PARP8: variants seen among roughly 807,000 people sequenced by gnomAD.
PARP8 encodes the protein protein mono-ADP-ribosyltransferase PARP8.
A neutral mutation model predicts 124.1 loss-of-function variants in PARP8; 51 were observed. The ratio of observed to expected loss-of-function variants is 0.41; its 90% CI spans 0.33 to 0.52. The LOEUF (loss-of-function observed/expected upper bound fraction) is 0.52, where lower values mean the gene tolerates loss of function less well. Ranked by LOEUF, PARP8 falls within the 20% of genes least tolerant of loss-of-function variation. The pLI is 0.21. For synonymous variants in PARP8, 391 were observed against 361.5 expected (o/e 1.08, Z -0.93); for missense variants, 860 against 1,018.9 (o/e 0.84, Z 2.12).
chr5:50,763,326 T>A, intron 7 of PARP8, 84 bp downstream of exon 7: 1 of 1,084,792 alleles, frequency 9.2e-7, no homozygotes. Flanking sequence ...AAAGGAAAAA[T>A]TTGGGGTTTT....
intron 7 of PARP8, among the ~76,000 whole-genome samples, chr5:50,769,764 G>T (rs2149591813): frequency 6.6e-6 from 1 of 151,920 alleles, no homozygotes; most frequent in Non-Finnish European, 1.5e-5. Context: ...ATATTACACT[G>T]TATAAATCTT....
chr5:50,747,974 T>A (rs1307134667), intron 2 of PARP8, among the ~76,000 whole-genome samples: 3 of 151,888 alleles, frequency 2.0e-5, no homozygotes, highest in African/African-American at 7.2e-5. Context: ...CCTTGCTTTT[T>A]TATCCATTCT....
intron 2 of PARP8, among the ~76,000 whole-genome samples, chr5:50,705,586 AC>A (rs1257718842): frequency 1.3e-5 from 2 of 152,172 alleles, no homozygotes; most frequent in African/African-American, 2.4e-5. Context: ...GGAGTTTGAG[AC>A]CAGCCTGGCC....
intron 24 of PARP8, 89 bp downstream of exon 24, chr5:50,834,137 TGG>T: frequency 9.6e-7 from 1 of 1,045,588 alleles, no homozygotes; most frequent in Non-Finnish European, 1.4e-6. Context: ...GTGCTTACGG[TGG>T]AATAGGGAAA....
In PARP8 at chr5:50,725,392, A is replaced by G. The variant is rs140029269; in HGVS notation, c.147-24759A>G. The stretch of plus-strand genomic sequence containing the variant: ...TTGCATCAAATGATGGCTAATGTCT[A>G]AAGTAAGAAAAGGCAATTAATGAAT... On this transcript the variant is annotated intron_variant, in intron 2 of 25. Transcript: ENST00000281631. Among the ~76,000 whole-genome samples, 90 of 152,240 alleles carry G rather than the reference A, an allele frequency of 5.9e-4. 4 individuals are homozygous for G. In the East Asian group the frequency reaches 0.015, roughly 25 times the overall value.
At chr5:50,787,500 C>T (rs1198230570) in intron 9 of PARP8, among the ~76,000 whole-genome samples, 1 of 152,132 alleles carries the variant, frequency 6.6e-6, no homozygotes, top group Non-Finnish European at 1.5e-5. Context: ...GCCTGCAGCC[C>T]ATATATTTTT....
chr5:50,787,829 A>G (rs1421348293), intron 9 of PARP8, among the ~76,000 whole-genome samples: 1 of 150,856 alleles, frequency 6.6e-6, no homozygotes, highest in Non-Finnish European at 1.5e-5. Context: ...ATATATTTTT[A>G]TATATTTAGT....
intron 10 of PARP8, among the ~76,000 whole-genome samples, chr5:50,793,517 C>A (rs1257924379): frequency 6.6e-6 from 1 of 152,036 alleles, no homozygotes; most frequent in Non-Finnish European, 1.5e-5. Context: ...TAGAAAATAT[C>A]GACATTAGGA....
chr5:50,832,662 C>G, intron 22 of PARP8, 119 bp from the exon 23 acceptor site: 1 of 943,140 alleles, frequency 1.1e-6, no homozygotes, highest in South Asian at 1.6e-5. Context: ...TTGTTACTGT[C>G]TCTAGCCTAA....
At chr5:50,821,560 T>C (rs965815229) in intron 16 of PARP8, among the ~76,000 whole-genome samples, 1 of 152,178 alleles carries the variant, frequency 6.6e-6, no homozygotes, top group African/African-American at 2.4e-5. Flanking sequence ...TTCCTTTCTT[T>C]TCTGCATTTT....
chr5:50,699,565 G>A (rs976292244), intron 2 of PARP8, among the ~76,000 whole-genome samples: 2 of 152,108 alleles, frequency 1.3e-5, no homozygotes, highest in African/African-American at 4.8e-5. Context: ...TCACTGACTT[G>A]AGGCTCCTCC....
At chr5:50,731,655 T>G (rs1756988145) in intron 2 of PARP8, among the ~76,000 whole-genome samples, 11 of 152,164 alleles carry the variant, frequency 7.2e-5, no homozygotes, top group Admixed American at 7.2e-4. Context: ...ACTCAACCCT[T>G]TGGTATATAT....
At position 50,816,742 on chromosome 5, in the gene PARP8, C is replaced by T. The variant is rs78308637; in HGVS notation, c.1668+1218C>T. 7.5e-3 allele frequency among the ~76,000 whole-genome samples: 1,143 copies of T among 152,176 alleles called. 13 individuals are homozygous for T. Among genetic ancestry groups the T allele is most frequent in the African/African-American group, 0.026 (1,070 of 41,532 alleles). ...CAACATGCACACATTTGCATATTAA[C>T]GGTTCTGAGCATCCCTATAACTAAG... On this transcript the variant is annotated intron_variant, in intron 15 of 25. Transcript: ENST00000281631.
At chr5:50,811,669 C>G (rs1254681085) in intron 14 of PARP8, among the ~76,000 whole-genome samples, 2 of 151,928 alleles carry the variant, frequency 1.3e-5, no homozygotes, top group Non-Finnish European at 2.9e-5. Context: ...ATACATGTGC[C>G]ATGTTGGTTT....
At chr5:50,685,934 T>A (rs1350888804) in intron 2 of PARP8, among the ~76,000 whole-genome samples, 3 of 152,150 alleles carry the variant, frequency 2.0e-5, no homozygotes, top group Non-Finnish European at 4.4e-5. Flanking sequence ...CCACAACACA[T>A]GGAAATTCAA....
chr5:50,763,269 A>T (rs1031220490), intron 7 of PARP8, 27 bp downstream of exon 7: 14 of 1,528,316 alleles, frequency 9.2e-6, no homozygotes, highest in Non-Finnish European at 1.3e-5. Flanking sequence ...GGTGAATAAA[A>T]TTAAAGTTTT....
intron 2 of PARP8, among the ~76,000 whole-genome samples, chr5:50,721,032 C>T (rs1361271512): frequency 6.6e-6 from 1 of 151,708 alleles, no homozygotes; most frequent in South Asian, 2.1e-4. Context: ...CTCCTGTGTC[C>T]TCTGCTACAT....
intron 7 of PARP8, among the ~76,000 whole-genome samples, chr5:50,763,459 T>C (rs76086075): frequency 9.3e-4 from 141 of 152,314 alleles, no homozygotes; most frequent in African/African-American, 3.1e-3. Context: ...AAAATTATTT[T>C]GGAGAGTTAG....
rs576125120 is a variant in PARP8 at position 50,693,437 on chromosome 5, A to G, written c.146+25312A>G. Among the ~76,000 whole-genome samples, 204 of 152,290 alleles carry G rather than the reference A, an allele frequency of 1.3e-3. 1 individual carries two copies. The highest frequency in any genetic ancestry group is 4.9e-3 in the African/African-American group (202 of 41,566). On this transcript the variant is annotated intron_variant, in intron 2 of 25. Coordinates refer to ENST00000281631, the MANE Select transcript of PARP8 (RefSeq NM_024615.4). ...AGACCCTATCTCAAGATAGAACATAACATTTATAGAAGCATAAGTTCAATT... is the reference window on the plus strand; with the variant it reads ...AGACCCTATCTCAAGATAGAACATAGCATTTATAGAAGCATAAGTTCAATT...
Sources: allele counts gnomAD v4.1 joint callset (sites outside exome capture counted in the v4.1 genomes callset), GRCh38; gene constraint gnomAD v4.1.1; transcripts MANE v1.5; gene names NCBI Gene and HGNC (gene_info 2026-07-23, HGNC 2026-07-21).